The following PLCG2 variants were observed in gnomAD, a reference collection of about 807,000 sequenced individuals.
The protein encoded by PLCG2 is 1-phosphatidylinositol 4,5-bisphosphate phosphodiesterase gamma-2.
In PLCG2, 69 loss-of-function variants were observed where a neutral mutation model predicts 175.6. That is an observed-to-expected ratio of 0.39 (90% confidence interval 0.32 to 0.48). The LOEUF is 0.48. Among genes scored for constraint, PLCG2 ranks in the 20% least tolerant of loss-of-function variants. The pLI, the probability that PLCG2 is intolerant of heterozygous loss-of-function variation, is 0.91. For synonymous variants in PLCG2, 827 were observed against 624.0 expected (o/e 1.33, Z -4.85); for missense variants, 1,798 against 1,650.9 (o/e 1.09, Z -1.54).
Position 81,891,300 on chromosome 16 carries a change from T to C in PLCG2, c.868-172T>C, listed in dbSNP as rs55711872. Among the ~76,000 whole-genome samples the C allele has an allele frequency of 3.6e-3, 543 of 152,276 alleles. 3 individuals are homozygous for C. The highest frequency in any genetic ancestry group is 6.2e-3 in the Non-Finnish European group (423 of 68,016). On this transcript the variant is annotated intron_variant, in intron 10 of 32. Coordinates refer to ENST00000564138, the MANE Select transcript of PLCG2 (RefSeq NM_002661.5). The stretch of plus-strand genomic sequence containing the variant: ...GGAACAAATATGTCGCTGCAGCCCA[T>C]TGCAGCCTGAGCCTTCGGTATTGAA...
At chr16:81,891,649 C>T (rs1908642466) in intron 11 of PLCG2, 59 bp downstream of exon 11, 1 of 981,532 alleles carries the variant, frequency 1.0e-6, no homozygotes, top group Non-Finnish European at 1.7e-6. Context: ...AGGGTTGAGG[C>T]AGGGGTCCGA....
rs368219963 is a variant in PLCG2, at chr16:81,816,423, T to C, written c.193+30241T>C. 3.1e-4 allele frequency among the ~76,000 whole-genome samples: 47 copies of C among 152,148 alleles called. No homozygotes were observed. The South Asian group carries it at 5.6e-3, about 18-fold the overall frequency. ...ACTGAACTATCTGGCATATCCTATT[T>C]TGGGACCATGAAAAGGGTGACCTGG... On this transcript the variant is annotated intron_variant, in intron 2 of 32. Transcript: ENST00000564138.
intron 31 of PLCG2, among the ~76,000 whole-genome samples, chr16:81,948,312 T>G (rs1224577190): frequency 6.6e-6 from 1 of 152,146 alleles, no homozygotes; most frequent in Non-Finnish European, 1.5e-5. Context: ...CATGGTGAGA[T>G]CCCGAAGAAT....
intron 13 of PLCG2, among the ~76,000 whole-genome samples, chr16:81,900,022 C>T (rs1909076566): frequency 6.6e-6 from 1 of 152,172 alleles, no homozygotes; most frequent in Non-Finnish European, 1.5e-5. Context: ...AAATCAACTA[C>T]AGATACACAC....
intron 2 of PLCG2, among the ~76,000 whole-genome samples, chr16:81,832,280 C>T (rs551765353): frequency 3.3e-5 from 5 of 152,194 alleles, no homozygotes; most frequent in Non-Finnish European, 5.9e-5. Context: ...TCCTGGGCTC[C>T]GCTCCACATG....
intron 2 of PLCG2, among the ~76,000 whole-genome samples, chr16:81,829,145 G>C (rs1905160102): frequency 6.6e-6 from 1 of 152,152 alleles, no homozygotes; most frequent in African/African-American, 2.4e-5. Flanking sequence ...GTCTGGCTCT[G>C]TCACCCAGGC....
At chr16:81,916,195 C>T (rs985781984) in intron 19 of PLCG2, among the ~76,000 whole-genome samples, 1 of 151,188 alleles carries the variant, frequency 6.6e-6, no homozygotes, top group African/African-American at 2.4e-5. Context: ...ACCACTGAAG[C>T]AGAAGTCTTC....
intron 2 of PLCG2, among the ~76,000 whole-genome samples, chr16:81,833,998 T>A (rs1016253255): frequency 1.3e-5 from 2 of 152,116 alleles, no homozygotes; most frequent in African/African-American, 4.8e-5. Flanking sequence ...TTCTGAGAGG[T>A]CATTCAGGGA....
At chr16:81,810,025 C>A (rs993747006) in intron 2 of PLCG2, among the ~76,000 whole-genome samples, 2 of 151,726 alleles carry the variant, frequency 1.3e-5, no homozygotes, top group Non-Finnish European at 2.9e-5. Flanking sequence ...TGGAGCCTAC[C>A]TGTGTCACCA....
At chr16:81,887,111 C>G (rs917657953) in intron 9 of PLCG2, among the ~76,000 whole-genome samples, 1 of 150,936 alleles carries the variant, frequency 6.6e-6, no homozygotes, top group African/African-American at 2.4e-5. Flanking sequence ...CTTGGCCAGG[C>G]AAAGTTGTTT....
intron 2 of PLCG2, among the ~76,000 whole-genome samples, chr16:81,760,766 T>A (rs55776772): frequency 0.47 from 42,687 of 90,806 alleles, 7,281 homozygotes; most frequent in South Asian, 0.64. Context: ...AAAATAATAA[T>A]AATAATAATA....
At chr16:81,859,442 CCTGGTAATA>C (rs1300196597) in intron 5 of PLCG2, among the ~76,000 whole-genome samples, 1 of 152,274 alleles carries the variant, frequency 6.6e-6, no homozygotes, top group Non-Finnish European at 1.5e-5. Context: ...CCTTTAAAGT[CCTGGTAATA>C]CAGCAGTAAC....
chr16:81,899,799 A>G (rs1265128419), intron 13 of PLCG2, among the ~76,000 whole-genome samples: 5 of 152,234 alleles, frequency 3.3e-5, no homozygotes, highest in Non-Finnish European at 7.3e-5. Context: ...GCTGGCTGTG[A>G]GCCCAGTGTC....
At chr16:81,811,984 C>T (rs1479288615) in intron 2 of PLCG2, among the ~76,000 whole-genome samples, 6 of 151,664 alleles carry the variant, frequency 4.0e-5, no homozygotes, top group Admixed American at 1.3e-4. Flanking sequence ...ACACTCCTAC[C>T]AACAGTGTAA....
chr16:81,834,591 A>AGCTGCTGCTGCTGCT (rs112113666), intron 2 of PLCG2, among the ~76,000 whole-genome samples: 48,366 of 151,234 alleles, frequency 0.32, 8,744 homozygotes, highest in East Asian at 0.61. Flanking sequence ...GGATCTGCAG[A>AGCTGCTGCTGCTGCT]GCTGCTGCTG....
At chr16:81,905,324 A>G in intron 14 of PLCG2, 79 bp from the exon 15 acceptor site, 2 of 902,356 alleles carry the variant, frequency 2.2e-6, no homozygotes, top group South Asian at 2.8e-5. Flanking sequence ...GCCTGGGAAG[A>G]GGCAGATGAA....
At chr16:81,956,647 T>G in intron 31 of PLCG2, 48 bp from the exon 32 acceptor site, 1 of 1,538,084 alleles carries the variant, frequency 6.5e-7, no homozygotes, top group Non-Finnish European at 8.9e-7. Context: ...CATTTTGGTT[T>G]GGAAGGTGTA....
chr16:81,956,094 C>G (rs544993340), intron 31 of PLCG2, among the ~76,000 whole-genome samples: 3 of 152,324 alleles, frequency 2.0e-5, no homozygotes, highest in South Asian at 2.1e-4. Flanking sequence ...GACCTTTAAC[C>G]TACTTTGTCT....
intron 5 of PLCG2, among the ~76,000 whole-genome samples, chr16:81,861,566 C>T (rs1001184889): frequency 1.1e-4 from 16 of 152,374 alleles, no homozygotes; most frequent in East Asian, 5.8e-4. Context: ...TGCTCCGCCA[C>T]GCTGGGCCAC....
Sources: allele counts gnomAD v4.1 joint callset (sites outside exome capture counted in the v4.1 genomes callset), GRCh38; gene constraint gnomAD v4.1.1; transcripts MANE v1.5; gene names NCBI Gene and HGNC (gene_info 2026-07-23, HGNC 2026-07-21).